Variants in PLXNA4 observed in about 807,000 individuals in gnomAD.
PLXNA4 encodes plexin-A4.
In PLXNA4, 44 loss-of-function variants were observed where a neutral mutation model predicts 191.8. That is an observed-to-expected ratio of 0.23 (90% CI 0.18 to 0.29). PLXNA4 has a LOEUF of 0.29. PLXNA4 is among the 10% of genes least tolerant of loss of function. The pLI, the probability that PLXNA4 is intolerant of heterozygous loss-of-function variation, is 1.00. For synonymous variants in PLXNA4, 1,082 were observed against 1,009.5 expected, an observed-to-expected ratio of 1.07 and a Z score of -1.36; for missense variants, 1,800 against 2,488.8, an observed-to-expected ratio of 0.72 and a Z score of 5.89.
intron 2 of PLXNA4, among the ~76,000 whole-genome samples, chr7:132,602,878 CT>C (rs1182233167): frequency 6.6e-6 from 1 of 152,092 alleles, no homozygotes; most frequent in African/African-American, 2.4e-5. Context: ...GTGGAAAGAT[CT>C]CTCTAATGCC....
intron 3 of PLXNA4, among the ~76,000 whole-genome samples, chr7:132,434,003 C>T (rs1305784809): frequency 6.6e-6 from 1 of 152,204 alleles, no homozygotes; most frequent in African/African-American, 2.4e-5. Context: ...AAAGCATGTT[C>T]AGCACCTACT....
At chr7:132,612,267 A>G (rs1045328490) in intron 2 of PLXNA4, among the ~76,000 whole-genome samples, 1 of 152,160 alleles carries the variant, frequency 6.6e-6, no homozygotes, top group Non-Finnish European at 1.5e-5. Flanking sequence ...TGACCTCGAA[A>G]AAAATTGGGC....
At chr7:132,183,918 G>T (rs987808773) in intron 16 of PLXNA4, among the ~76,000 whole-genome samples, 4 of 152,226 alleles carry the variant, frequency 2.6e-5, no homozygotes, top group African/African-American at 7.2e-5. Flanking sequence ...GGTCCCTGTC[G>T]CAGTTACTCA....
chr7:132,503,777 G>A lies in PLXNA4; in HGVS notation c.1188+3729C>T, dbSNP rs544265483. On this transcript the variant is annotated intron_variant, in intron 2 of 31. Coordinates refer to ENST00000321063, the MANE Select transcript of PLXNA4 (RefSeq NM_020911.2). The stretch of plus-strand genomic sequence containing the variant: ...CTCAGCTTGACCTCTAGTCCCCTGA[G>A]TCCCAAGACAATTGGGGCTCTGACA... Among the ~76,000 whole-genome samples the A allele has an allele frequency of 2.0e-5, 3 of 152,290 alleles. No homozygotes were observed. In the South Asian group the frequency reaches 6.2e-4, roughly 32 times the overall value.
intron 22 of PLXNA4, among the ~76,000 whole-genome samples, chr7:132,166,941 C>T (rs935586701): frequency 2.0e-5 from 3 of 152,116 alleles, no homozygotes; most frequent in Non-Finnish European, 4.4e-5. Flanking sequence ...CAGGAAAAAC[C>T]CTGAAGTAAA....
chr7:132,384,998 A>G, intron 3 of PLXNA4: 1 of 1,395,530 alleles, frequency 7.2e-7, no homozygotes, highest in Non-Finnish European at 9.3e-7. Context: ...AAAGAGACCA[A>G]CTACCTAGCC....
chr7:132,516,989 C>T (rs1798966970), intron 1 of PLXNA4, among the ~76,000 whole-genome samples: 1 of 152,128 alleles, frequency 6.6e-6, no homozygotes, highest in African/African-American at 2.4e-5. Context: ...AGTGTCCCTG[C>T]TCTCCAGGGG....
intron 2 of PLXNA4, among the ~76,000 whole-genome samples, chr7:132,623,080 C>T (rs1390606255): frequency 1.3e-5 from 2 of 152,148 alleles, no homozygotes; most frequent in East Asian, 1.9e-4. Flanking sequence ...CATGGTGGCT[C>T]ACAGCTGTAA....
rs1012465162 is a variant in PLXNA4, at chr7:132,128,669, G to C, written c.*1810C>G. On this transcript the variant is annotated 3_prime_UTR_variant, in exon 32 of 32. Transcript: ENST00000321063. Reference sequence around the variant, plus strand: ...ATGTGCACATATTCATATCCAAAGGGGCAAGTGTTCTTAAAAGTACCGGAT... The same window carrying C: ...ATGTGCACATATTCATATCCAAAGGCGCAAGTGTTCTTAAAAGTACCGGAT... The C allele has an allele frequency of 2.6e-5, 4 of 152,168 alleles. No homozygotes were observed. The highest frequency in any genetic ancestry group is 9.7e-5 in the African/African-American group (4 of 41,434). The allele number at this position is 152,168 out of a possible 1,614,324, so 9.4% of individuals were successfully genotyped here.
intron 4 of PLXNA4, among the ~76,000 whole-genome samples, chr7:132,289,957 T>C (rs1800825179): frequency 6.6e-6 from 1 of 152,202 alleles, no homozygotes; most frequent in Non-Finnish European, 1.5e-5. Context: ...CCCTCGCCAC[T>C]TCACTACTGG....
intron 3 of PLXNA4, among the ~76,000 whole-genome samples, chr7:132,420,832 A>G: frequency 6.6e-6 from 1 of 152,092 alleles, no homozygotes; most frequent in East Asian, 1.9e-4. Context: ...TAAAAACAGG[A>G]GTTTCCCTGC....
chr7:132,620,278 T>A (rs1036956980), intron 2 of PLXNA4, among the ~76,000 whole-genome samples: 7 of 151,290 alleles, frequency 4.6e-5, no homozygotes, highest in Admixed American at 4.6e-4. Flanking sequence ...CTGATTAGGA[T>A]TTCTGAGAAG....
intron 3 of PLXNA4, among the ~76,000 whole-genome samples, chr7:132,300,990 G>A (rs1801283041): frequency 6.6e-6 from 1 of 152,206 alleles, no homozygotes; most frequent in Non-Finnish European, 1.5e-5. Context: ...GACATCAAAG[G>A]AAGCCAGTTG....
chr7:132,464,705 AC>A (rs1194606084), intron 3 of PLXNA4, among the ~76,000 whole-genome samples: 1 of 152,194 alleles, frequency 6.6e-6, no homozygotes, highest in Non-Finnish European at 1.5e-5. Context: ...CAATACAACA[AC>A]CTTTATTGAT....
Position 132,226,236 on chromosome 7 carries a change from T to C in PLXNA4, c.1907A>G (p.Gln636Arg), listed in dbSNP as rs371316009. 6.2e-6 allele frequency: 10 copies of C among 1,613,702 alleles called. No homozygotes were observed. The East Asian group carries it at 2.2e-4, about 36-fold the overall frequency. The change falls in exon 8 of 32, where the codon CAG (glutamine) becomes CGG (arginine). Residue 636 changes from glutamine (Q) to arginine (R), a missense_variant. Transcript: ENST00000321063. ...ENGDHHVVQL[Q>R]LKSKETGMTF... ...CATGCCGGTCTCCTTTGATTTGAGC[T>C]GAAGCTGTACGACATGGTGGTCCCC...
At chr7:132,460,950 G>C (rs1036563324) in intron 3 of PLXNA4, among the ~76,000 whole-genome samples, 1 of 151,656 alleles carries the variant, frequency 6.6e-6, no homozygotes, top group African/African-American at 2.4e-5. Context: ...GCCCCAAAAA[G>C]TAAAAAATAA....
intron 3 of PLXNA4, among the ~76,000 whole-genome samples, chr7:132,369,460 C>A (rs1350765904): frequency 6.6e-6 from 1 of 152,100 alleles, no homozygotes. Context: ...CCTCAAGAAG[C>A]CTTCCAAGGA....
intron 3 of PLXNA4, among the ~76,000 whole-genome samples, chr7:132,423,486 G>A (rs1015572845): frequency 3.3e-5 from 5 of 152,178 alleles, no homozygotes; most frequent in Non-Finnish European, 7.3e-5. Flanking sequence ...CTGAGTCTGA[G>A]AGCAGGAAGT....
At chr7:132,293,431 GA>G (rs1176589127) in intron 4 of PLXNA4, among the ~76,000 whole-genome samples, 2 of 152,174 alleles carry the variant, frequency 1.3e-5, no homozygotes, top group Non-Finnish European at 2.9e-5. Flanking sequence ...TTCACTACAT[GA>G]GAACAGCATG....
Sources: gnomAD v4.1 joint callset for allele counts (sites outside exome capture counted in the v4.1 genomes callset) on GRCh38, gnomAD v4.1.1 for gene constraint, MANE v1.5 for transcripts, NCBI Gene and HGNC (gene_info 2026-07-23, HGNC 2026-07-21) for gene names.